Variants in PCDHB13 observed in about 807,000 individuals in gnomAD.
The protein encoded by PCDHB13 is protocadherin beta 13, also known as protocadherin beta-13.
For synonymous variants in PCDHB13, 515 were observed against 450.7 expected, an observed-to-expected ratio of 1.14 and a Z score of -1.81; for missense variants, 1,065 against 1,016.7, an observed-to-expected ratio of 1.05 and a Z score of -0.65.
rs553281651 is a variant in PCDHB13, at chr5:141,216,722, T to G, written c.*202T>G. On this transcript the variant is annotated 3_prime_UTR_variant, in exon 1 of 1. Coordinates refer to ENST00000341948, the MANE Select transcript of PCDHB13 (RefSeq NM_018933.4). ...GTGACAATTCATTCTTTAACCCAGA[T>G]GGTCTTAATTTGTAATTAATTTGCC... is the stretch of plus-strand genomic sequence containing the variant. The G allele has an allele frequency of 1.5e-6, 1 of 678,894 alleles. No homozygotes were observed. The highest frequency in any genetic ancestry group is 1.6e-5 in the South Asian group (1 of 60,842). 42.1% of individuals were successfully genotyped at this position (678,894 alleles called of 1,614,324 possible).
Position 141,215,088 on chromosome 5 carries a change from C to G in PCDHB13, c.965C>G (p.Ala322Gly). ...CAGTCCTATGAAGTCAATATTGAGG[C>G]AAGAGATGCTGGAACCTTTTCTGGA... ...KLQSYEVNIE[A>G]RDAGTFSGKC... The change falls in exon 1 of 1, where the codon GCA (alanine) becomes GGA (glycine). Residue 322 changes from alanine (A) to glycine (G), a missense_variant. Physicochemically the swap from Ala to Gly is moderately conservative, Grantham distance 60. Transcript: ENST00000341948. 6.2e-7 allele frequency: 1 copy of G among 1,614,136 alleles called. No homozygotes were observed. Among genetic ancestry groups the G allele is most frequent in the Non-Finnish European group, 8.5e-7 (1 of 1,180,024 alleles).
In PCDHB13 at chr5:141,215,503, C is replaced by G. The variant is rs782252671; in HGVS notation, c.1380C>G (p.Val460=). The G allele has an allele frequency of 6.2e-6, 10 of 1,613,970 alleles. No homozygotes were observed. Among genetic ancestry groups the G allele is most frequent in the South Asian group, 2.2e-5 (2 of 91,082 alleles). The change falls in exon 1 of 1, where the codon GTC becomes GTG. Residue 460 remains valine (V), a synonymous_variant. Transcript: ENST00000341948. The part of the protein sequence containing the change: ...AFTQTSYTLF[V]RENNSPALHI... ...CCCAAACCTCCTACACCCTGTTCGT[C>G]CGCGAGAACAACAGCCCCGCCCTGC...
Position 141,216,299 on chromosome 5 carries a change from T to C in PCDHB13, c.2176T>C (p.Leu726=). The stretch of plus-strand genomic sequence containing the variant: ...CAGGGCGGCCTCGGTGGGTCGCTGC[T>C]TGGTGCCCGAGGGCCCCCTTCCAGG... The part of the protein sequence containing the change: ...RSRAASVGRC[L]VPEGPLPGHL... Residue 726 remains leucine (L), a synonymous_variant, in exon 1 of 1, where the codon TTG becomes CTG. Coordinates refer to ENST00000341948, the MANE Select transcript of PCDHB13 (RefSeq NM_018933.4). The C allele has an allele frequency of 6.2e-7, 1 of 1,614,116 alleles. No homozygotes were observed. The highest frequency in any genetic ancestry group is 8.5e-7 in the Non-Finnish European group (1 of 1,180,022).
At position 141,215,910 on chromosome 5, in the gene PCDHB13, C is replaced by T. The variant is rs372784560; in HGVS notation, c.1787C>T (p.Ser596Leu). 4 of 1,606,232 alleles carry T rather than the reference C, an allele frequency of 2.5e-6. No homozygotes were observed. Among genetic ancestry groups the T allele is most frequent in the Middle Eastern group, 2.3e-4 (1 of 4,426 alleles). ...AAGGTGGTGGCGGTGGACGGCGACTCGGGCCAGAACGCCTGGCTGTCGTAC... is the reference window on the plus strand; with the variant it reads ...AAGGTGGTGGCGGTGGACGGCGACTTGGGCCAGAACGCCTGGCTGTCGTAC... The part of the protein sequence containing the change: ...VTKVVAVDGD[S>L]GQNAWLSYQL... The change falls in exon 1 of 1, where the codon TCG (serine) becomes TTG (leucine). Residue 596 changes from serine (S) to leucine (L), a missense_variant. Ser to Leu is a moderately radical substitution (Grantham distance 145, BLOSUM62 -2). Transcript: ENST00000341948.
chr5:141,216,417 A>G lies in PCDHB13; in HGVS notation c.2294A>G (p.Lys765Arg). The G allele has an allele frequency of 6.2e-7, 1 of 1,614,160 alleles. No homozygotes were observed. Among genetic ancestry groups the G allele is most frequent in the Non-Finnish European group, 8.5e-7 (1 of 1,180,028 alleles). ...GGAGGCTCAGGGACCAATGAGTTCA[A>G]GTTCCTGAAGCCGATTATCCCCAAC... ...LAGGSGTNEFKFLKPIIPNFP... is the reference protein window; with the variant it reads ...LAGGSGTNEFRFLKPIIPNFP... Residue 765 changes from lysine to arginine, a missense_variant, in exon 1 of 1, where the codon AAG becomes AGG. By Grantham distance (26) the Lys-to-Arg change is conservative (BLOSUM62 2). Transcript: ENST00000341948.
In PCDHB13 at chr5:141,215,830, C is replaced by T. The variant is rs781859572; in HGVS notation, c.1707C>T (p.Ser569=). The T allele has an allele frequency of 3.2e-5, 52 of 1,610,162 alleles. No individual in the cohort carries two copies. The highest frequency in any genetic ancestry group is 4.2e-5 in the Non-Finnish European group (49 of 1,179,470). Residue 569 remains serine, a synonymous_variant, in exon 1 of 1, where the codon TCC becomes TCT. Coordinates refer to ENST00000341948, the MANE Select transcript of PCDHB13 (RefSeq NM_018933.4). The stretch of plus-strand genomic sequence containing the variant: ...TGCTGTACCCGCTGCAGAACGGCTC[C>T]GCGCCCTGCACCGAGCTGGTGCCCC... ...PFVLYPLQNG[S]APCTELVPRA...
At position 141,217,626 on chromosome 5, in the gene PCDHB13, A is replaced by G. The variant is rs1754645798; in HGVS notation, c.*1106A>G. 6.0e-6 allele frequency: 1 copy of G among 167,002 alleles called. No homozygotes were observed. The highest frequency in any genetic ancestry group is 2.4e-5 in the African/African-American group (1 of 41,386). The allele number at this position is 167,002 out of a possible 1,614,324, so 10.3% of individuals were successfully genotyped here. On this transcript the variant is annotated 3_prime_UTR_variant, in exon 1 of 1. Coordinates refer to ENST00000341948, the MANE Select transcript of PCDHB13 (RefSeq NM_018933.4). Reference sequence around the variant, plus strand: ...CAAAAGATAGTCCCTTAGGGTTCTAATTTTAAAAAAATTTTCAAAGCATTG... The same window carrying G: ...CAAAAGATAGTCCCTTAGGGTTCTAGTTTTAAAAAAATTTTCAAAGCATTG...
Position 141,215,092 on chromosome 5 carries a change from A to C in PCDHB13, c.969A>C (p.Arg323Ser). ...LQSYEVNIEA[R>S]DAGTFSGKCT... ...CCTATGAAGTCAATATTGAGGCAAGAGATGCTGGAACCTTTTCTGGAAAAT... is the reference window on the plus strand; with the variant it reads ...CCTATGAAGTCAATATTGAGGCAAGCGATGCTGGAACCTTTTCTGGAAAAT... The change falls in exon 1 of 1, where the codon AGA (arginine) becomes AGC (serine). Residue 323 changes from arginine (R) to serine (S), a missense_variant. By Grantham distance (110) the Arg-to-Ser change is moderately radical. Transcript: ENST00000341948. 1.9e-6 allele frequency: 3 copies of C among 1,614,194 alleles called. No individual in the cohort carries two copies. Among genetic ancestry groups the C allele is most frequent in the Non-Finnish European group, 2.5e-6 (3 of 1,180,020 alleles).
chr5:141,215,338 G>A lies in PCDHB13; in HGVS notation c.1215G>A (p.Thr405=), dbSNP rs200643533. The stretch of plus-strand genomic sequence containing the variant: ...CGGAAAACTTTTACACCCTACTAAC[G>A]GAGAGACCACTAGACAGAGAAAGCA... ...KSAENFYTLL[T]ERPLDRESRA... Residue 405 remains threonine (T), a synonymous_variant, in exon 1 of 1, where the codon ACG becomes ACA. Transcript: ENST00000341948. 2.5e-6 allele frequency: 4 copies of A among 1,613,950 alleles called. No homozygotes were observed. Among genetic ancestry groups the A allele is most frequent in the African/African-American group, 1.3e-5 (1 of 74,880 alleles).
Position 141,215,333 on chromosome 5 carries a change from C to G in PCDHB13, c.1210C>G (p.Leu404Val), listed in dbSNP as rs782323113. Residue 404 changes from leucine (L) to valine (V), a missense_variant, in exon 1 of 1, where the codon CTA (leucine) becomes GTA (valine). Leu to Val is a conservative substitution (Grantham distance 32). Coordinates refer to ENST00000341948, the MANE Select transcript of PCDHB13 (RefSeq NM_018933.4). ...ATCCGCGGAAAACTTTTACACCCTA[C>G]TAACGGAGAGACCACTAGACAGAGA... ...LKSAENFYTL[L>V]TERPLDRESR... The G allele has an allele frequency of 2.5e-6, 4 of 1,614,158 alleles. No homozygotes were observed. Among genetic ancestry groups the G allele is most frequent in the Non-Finnish European group, 3.4e-6 (4 of 1,180,018 alleles).
Position 141,215,713 on chromosome 5 carries a change from C to G in PCDHB13, c.1590C>G (p.Arg530=), listed in dbSNP as rs782732101. ...AGGCCCTGCAGGGGTTCCAGTTCCG[C>G]GTGGGCGCTTCAGACCACGGCTCCC... ...DYEALQGFQF[R]VGASDHGSPA... The change falls in exon 1 of 1, where the codon CGC becomes CGG. Residue 530 remains arginine, a synonymous_variant. Coordinates refer to ENST00000341948, the MANE Select transcript of PCDHB13 (RefSeq NM_018933.4). The G allele has an allele frequency of 1.2e-6, 2 of 1,612,670 alleles. No individual in the cohort carries two copies. Among genetic ancestry groups the G allele is most frequent in the Admixed American group, 1.7e-5 (1 of 60,028 alleles).
rs781901669 is a variant in PCDHB13 at position 141,215,376 on chromosome 5, A to T, written c.1253A>T (p.Asn418Ile). ...PLDRESRAEY[N>I]ITITVTDLGT... ...GACAGAGAAAGCAGAGCGGAATACA[A>T]CATCACTATCACTGTCACTGACTTG... The change falls in exon 1 of 1, where the codon AAC becomes ATC. Residue 418 changes from asparagine (N) to isoleucine (I), a missense_variant. Physicochemically the swap from Asn to Ile is moderately radical, Grantham distance 149. Coordinates refer to ENST00000341948, the MANE Select transcript of PCDHB13 (RefSeq NM_018933.4). 6.2e-7 allele frequency: 1 copy of T among 1,614,182 alleles called. No homozygotes were observed.
At position 141,215,980 on chromosome 5, in the gene PCDHB13, G is replaced by A. The variant is rs149312487; in HGVS notation, c.1857G>A (p.Ala619=). Residue 619 remains alanine, a synonymous_variant, in exon 1 of 1, where the codon GCG becomes GCA. Coordinates refer to ENST00000341948, the MANE Select transcript of PCDHB13 (RefSeq NM_018933.4). Reference sequence around the variant, plus strand: ...AGCTCGGTCTGTTCGGCGTGTGGGCGCACAATGGCGAGGTGCGCACCGCCA... The same window carrying A: ...AGCTCGGTCTGTTCGGCGTGTGGGCACACAATGGCGAGGTGCGCACCGCCA... ...ATELGLFGVW[A]HNGEVRTARL... is the part of the protein sequence containing the mutation. The A allele has an allele frequency of 1.9e-6, 3 of 1,607,050 alleles. No homozygotes were observed. Among genetic ancestry groups the A allele is most frequent in the East Asian group, 2.2e-5 (1 of 44,872 alleles).
Position 141,214,351 on chromosome 5 carries a change from G to A in PCDHB13, c.228G>A (p.Leu76=), listed in dbSNP as rs1554287586. ...RVVSRGNKLH[L]QLNQETADLL... The stretch of plus-strand genomic sequence containing the variant: ...TTTCCAGAGGGAACAAACTACATTT[G>A]CAGCTCAATCAGGAGACCGCGGATT... The change falls in exon 1 of 1, where the codon TTG becomes TTA. Residue 76 remains leucine (L), a synonymous_variant. Coordinates refer to ENST00000341948, the MANE Select transcript of PCDHB13 (RefSeq NM_018933.4). 5.7e-6 allele frequency: 8 copies of A among 1,393,942 alleles called. No homozygotes were observed. The highest frequency in any genetic ancestry group is 4.3e-4 in the Middle Eastern group (2 of 4,652). 86.3% of individuals were successfully genotyped at this position (1,393,942 alleles called of 1,614,324 possible).
In PCDHB13 at chr5:141,215,425, G is replaced by A; in HGVS notation, c.1302G>A (p.Gln434=). The change falls in exon 1 of 1, where the codon CAG becomes CAA. Residue 434 remains glutamine, a synonymous_variant. Transcript: ENST00000341948. Reference sequence around the variant, plus strand: ...TGGGGACCCCTATGCTGATAACACAGCTCAATATGACCGTGCTGATCGCCG... The same window carrying A: ...TGGGGACCCCTATGCTGATAACACAACTCAATATGACCGTGCTGATCGCCG... ...TDLGTPMLIT[Q]LNMTVLIADV... 1 of 1,614,164 alleles carries A rather than the reference G, an allele frequency of 6.2e-7. No individual in the cohort carries two copies. Among genetic ancestry groups the A allele is most frequent in the Non-Finnish European group, 8.5e-7 (1 of 1,180,040 alleles).
Position 141,216,567 on chromosome 5 carries a change from T to A in PCDHB13, c.*47T>A. The stretch of plus-strand genomic sequence containing the variant: ...CATAGGTATTTTATTTTGTGGCATT[T>A]CCATGCCAATGTTTATTTCCCCCAA... On this transcript the variant is annotated 3_prime_UTR_variant, in exon 1 of 1. Coordinates refer to ENST00000341948, the MANE Select transcript of PCDHB13 (RefSeq NM_018933.4). 1 of 1,429,184 alleles carries A rather than the reference T, an allele frequency of 7.0e-7. No individual in the cohort carries two copies. Among genetic ancestry groups the A allele is most frequent in the Non-Finnish European group, 9.9e-7 (1 of 1,011,014 alleles). 88.5% of individuals were successfully genotyped at this position (1,429,184 alleles called of 1,614,324 possible). A position where few individuals can be genotyped will look rare whatever the true frequency, so the allele number is the denominator to read the frequency against.
In PCDHB13 at chr5:141,216,295, C is replaced by G; in HGVS notation, c.2172C>G (p.Arg724=). Residue 724 remains arginine, a synonymous_variant, in exon 1 of 1, where the codon CGC becomes CGG. Coordinates refer to ENST00000341948, the MANE Select transcript of PCDHB13 (RefSeq NM_018933.4). ...GGAGCAGGGCGGCCTCGGTGGGTCG[C>G]TGCTTGGTGCCCGAGGGCCCCCTTC... The part of the protein sequence containing the change: ...CRRSRAASVG[R]CLVPEGPLPG... 1.2e-6 allele frequency: 2 copies of G among 1,614,050 alleles called. No individual in the cohort carries two copies. Among genetic ancestry groups the G allele is most frequent in the Non-Finnish European group, 1.7e-6 (2 of 1,180,028 alleles).
In PCDHB13 at chr5:141,218,148, C is replaced by CTCTACT. The variant is rs1488756225; in HGVS notation, c.*1628_*1629insTCTACT. The CTCTACT allele has an allele frequency of 6.4e-6, 1 of 156,986 alleles. No individual in the cohort carries two copies. Among genetic ancestry groups the CTCTACT allele is most frequent in the African/African-American group, 2.4e-5 (1 of 41,380 alleles). 9.7% of individuals were successfully genotyped at this position (156,986 alleles called of 1,614,324 possible). ...ATATTTAGTAGAGACGAGGTTTCAT[C>CTCTACT]ATATTGCCCAGACTGGTCTCGAATT... On this transcript the variant is annotated 3_prime_UTR_variant, in exon 1 of 1. Transcript: ENST00000341948.
Position 141,215,494 on chromosome 5 carries a change from C to A in PCDHB13, c.1371C>A (p.Thr457=). Residue 457 remains threonine, a synonymous_variant, in exon 1 of 1, where the codon ACC becomes ACA. Coordinates refer to ENST00000341948, the MANE Select transcript of PCDHB13 (RefSeq NM_018933.4). The stretch of plus-strand genomic sequence containing the variant: ...CCGCCTTCACCCAAACCTCCTACAC[C>A]CTGTTCGTCCGCGAGAACAACAGCC... ...NAPAFTQTSY[T]LFVRENNSPA... 6.2e-7 allele frequency: 1 copy of A among 1,614,212 alleles called. No homozygotes were observed. The highest frequency in any genetic ancestry group is 2.2e-5 in the East Asian group (1 of 44,876).
Sources: allele counts gnomAD v4.1 joint callset, GRCh38; gene constraint gnomAD v4.1.1; transcripts MANE v1.5; gene names NCBI Gene and HGNC (gene_info 2026-07-23, HGNC 2026-07-21).